Variants in ZNF438 observed in about 807,000 individuals in gnomAD.
ZNF438 encodes zinc finger protein 438.
Under a neutral mutation model 38.0 loss-of-function variants are expected in ZNF438, and 25 were observed. The observed-to-expected ratio is 0.66, with a 90% confidence interval of 0.48 to 0.92. The LOEUF (loss-of-function observed/expected upper bound fraction) is 0.92. Among genes scored for constraint, ZNF438 ranks in the 40% least tolerant of loss-of-function variants. The pLI is 0.00. For synonymous variants in ZNF438, 372 were observed against 364.1 expected (o/e 1.02, Z -0.25); for missense variants, 1,007 against 999.6 (o/e 1.01, Z -0.10).
intron 4 of ZNF438, among the ~76,000 whole-genome samples, chr10:30,858,445 A>G (rs893240813): frequency 2.6e-5 from 4 of 152,192 alleles, no homozygotes; most frequent in African/African-American, 9.6e-5. Flanking sequence ...AAAAACCTAT[A>G]AACACCTTTA....
At chr10:30,857,036 A>T (rs936218125) in intron 4 of ZNF438, among the ~76,000 whole-genome samples, 3 of 152,196 alleles carry the variant, frequency 2.0e-5, no homozygotes, top group Non-Finnish European at 4.4e-5. Flanking sequence ...AGATTAAGAA[A>T]AATGAGGTTT....
chr10:30,904,419 T>C (rs1373173964), intron 3 of ZNF438, among the ~76,000 whole-genome samples: 1 of 152,140 alleles, frequency 6.6e-6, no homozygotes, highest in Non-Finnish European at 1.5e-5. Context: ...ATATGTCCCC[T>C]TTTCCTCGTC....
At chr10:30,931,818 T>C (rs953878779) in intron 2 of ZNF438, among the ~76,000 whole-genome samples, 2 of 152,220 alleles carry the variant, frequency 1.3e-5, no homozygotes, top group Admixed American at 6.5e-5. Context: ...GTAAAGTCTA[T>C]GTGGAAAAAT....
At chr10:30,863,134 C>T (rs1484113668) in intron 4 of ZNF438, among the ~76,000 whole-genome samples, 3 of 152,192 alleles carry the variant, frequency 2.0e-5, no homozygotes, top group Non-Finnish European at 4.4e-5. Flanking sequence ...TGGACAGCCA[C>T]GGATCTTTAA....
intron 2 of ZNF438, among the ~76,000 whole-genome samples, chr10:30,918,834 A>G (rs556717840): frequency 2.6e-5 from 4 of 152,298 alleles, no homozygotes; most frequent in African/African-American, 7.2e-5. Context: ...TGTCAGACAT[A>G]CCATTACCTC....
At chr10:30,902,772 G>A (rs926765427) in intron 3 of ZNF438, among the ~76,000 whole-genome samples, 19 of 152,196 alleles carry the variant, frequency 1.2e-4, no homozygotes, top group Non-Finnish European at 2.1e-4. Flanking sequence ...CCACCGGGCC[G>A]CAGGTGGAGC....
chr10:30,920,624 G>A (rs1452626532), intron 2 of ZNF438: 2 of 152,092 alleles, frequency 1.3e-5, no homozygotes, highest in Admixed American at 6.5e-5. Context: ...TATCCTCTGG[G>A]CAATCGAACT....
chr10:31,019,296 C>T (rs1359758535), intron 1 of ZNF438, among the ~76,000 whole-genome samples: 11 of 152,212 alleles, frequency 7.2e-5, no homozygotes, highest in Admixed American at 5.9e-4. Context: ...CTAACCTCAT[C>T]TCCTAATATT....
At chr10:30,902,083 T>C (rs896740827) in intron 3 of ZNF438, among the ~76,000 whole-genome samples, 4 of 152,148 alleles carry the variant, frequency 2.6e-5, no homozygotes, top group Non-Finnish European at 4.4e-5. Flanking sequence ...GCAAGATTTA[T>C]TGCATAGAGC....
intron 3 of ZNF438, among the ~76,000 whole-genome samples, chr10:30,892,222 G>A (rs892049142): frequency 5.4e-5 from 7 of 129,608 alleles, no homozygotes; most frequent in African/African-American, 1.8e-4. Context: ...TGGATAGTAC[G>A]AAACCCTATA....
At chr10:30,933,646 C>A (rs2045926468) in intron 2 of ZNF438, among the ~76,000 whole-genome samples, 1 of 152,030 alleles carries the variant, frequency 6.6e-6, no homozygotes, top group Non-Finnish European at 1.5e-5. Flanking sequence ...AAATAAAAAA[C>A]ATTACGCAGG....
At chr10:30,902,461 CAT>C (rs750356577) in intron 3 of ZNF438, among the ~76,000 whole-genome samples, 3 of 152,146 alleles carry the variant, frequency 2.0e-5, no homozygotes, top group Non-Finnish European at 4.4e-5. Flanking sequence ...CTTAACTAGA[CAT>C]AAAGATTCTC....
intron 2 of ZNF438, among the ~76,000 whole-genome samples, chr10:30,929,383 G>C (rs771232069): frequency 6.6e-6 from 1 of 152,132 alleles, no homozygotes; most frequent in Admixed American, 6.5e-5. Flanking sequence ...GCAGACCTTC[G>C]CAGTGAGTGT....
rs1409799198 is a variant in ZNF438 at position 31,012,055 on chromosome 10, G to C, written c.-192+19778C>G. Reference sequence around the variant, plus strand: ...CAGACATCTGCATTGCTGTGCCCCTGATAACACTCATGTCTCTGCTCAGAG... The same window carrying C: ...CAGACATCTGCATTGCTGTGCCCCTCATAACACTCATGTCTCTGCTCAGAG... On this transcript the variant is annotated intron_variant, in intron 1 of 5. Coordinates refer to ENST00000413025, the Ensembl canonical transcript of ZNF438. 3.3e-5 allele frequency among the ~76,000 whole-genome samples: 5 copies of C among 151,600 alleles called. No homozygotes were observed. In the East Asian group the frequency reaches 7.7e-4, roughly 23 times the overall value.
chr10:30,964,665 C>A (rs984554238), intron 1 of ZNF438, among the ~76,000 whole-genome samples: 2 of 152,146 alleles, frequency 1.3e-5, no homozygotes, highest in African/African-American at 4.8e-5. Context: ...TATGACCAAG[C>A]AGTGTCACGG....
chr10:31,003,851 A>G (rs2054882283), intron 1 of ZNF438, among the ~76,000 whole-genome samples: 1 of 152,272 alleles, frequency 6.6e-6, no homozygotes, highest in East Asian at 1.9e-4. Context: ...AAAGCCTCCA[A>G]TGGCTTTTAT....
chr10:30,914,876 G>A (rs1405854507), intron 2 of ZNF438, among the ~76,000 whole-genome samples: 3 of 151,920 alleles, frequency 2.0e-5, no homozygotes, highest in Non-Finnish European at 4.4e-5. Flanking sequence ...TTGAAAGTTT[G>A]AAATCATAAT....
intron 4 of ZNF438, among the ~76,000 whole-genome samples, chr10:30,869,869 A>T (rs2037109582): frequency 6.6e-6 from 1 of 152,212 alleles, no homozygotes; most frequent in Non-Finnish European, 1.5e-5. Context: ...TTCCCCCAAT[A>T]GTGAGGTCAT....
In ZNF438 at chr10:30,912,922, T is replaced by C. The variant is rs563293100; in HGVS notation, c.-114-3907A>G. On this transcript the variant is annotated intron_variant, in intron 2 of 5. Transcript: ENST00000413025. ...GCTGTCTAAATGCTGTAATCAGAAA[T>C]CTAGTAGTTATTTTTAATACAGTTC... Among the ~76,000 whole-genome samples the C allele has an allele frequency of 2.0e-5, 3 of 152,212 alleles. No homozygotes were observed. In the South Asian group the frequency reaches 6.2e-4, roughly 32 times the overall value.
Sources: gnomAD v4.1 joint callset for allele counts (sites outside exome capture counted in the v4.1 genomes callset) on GRCh38, gnomAD v4.1.1 for gene constraint, MANE v1.5 for transcripts, NCBI Gene and HGNC (gene_info 2026-07-23, HGNC 2026-07-21) for gene names.